FRMD4A: variants seen among roughly 807,000 people sequenced by gnomAD.
The protein encoded by FRMD4A is FERM domain-containing protein 4A.
In FRMD4A, 29 loss-of-function variants were observed where a neutral mutation model predicts 129.1. That is an observed-to-expected ratio of 0.22 (90% CI 0.17 to 0.31). FRMD4A has a LOEUF of 0.31. Among genes scored for constraint, FRMD4A ranks in the 10% least tolerant of loss-of-function variants. FRMD4A has a pLI of 1.00. For synonymous variants in FRMD4A, 634 were observed against 571.6 expected (o/e 1.11, Z -1.56); for missense variants, 1,272 against 1,375.8 (o/e 0.92, Z 1.19).
rs561485177 is a variant in FRMD4A at position 14,028,703 on chromosome 10, G to A, written c.46-169791C>T. Among the ~76,000 whole-genome samples, 310 of 152,202 alleles carry A rather than the reference G, an allele frequency of 2.0e-3. 2 individuals are homozygous for A. The highest frequency in any genetic ancestry group is 5.9e-3 in the Admixed American group (90 of 15,288). On this transcript the variant is annotated intron_variant, in intron 2 of 24. Transcript: ENST00000357447. Reference sequence around the variant, plus strand: ...TTATGACACATTGCACGCTTGTATCGATATCCATACTCCCACCCTGTGGGA... The same window carrying A: ...TTATGACACATTGCACGCTTGTATCAATATCCATACTCCCACCCTGTGGGA...
At chr10:14,180,078 C>A (rs1222770192) in intron 2 of FRMD4A, among the ~76,000 whole-genome samples, 1 of 151,952 alleles carries the variant, frequency 6.6e-6, no homozygotes, top group East Asian at 1.9e-4. Context: ...AACAAACAAA[C>A]AAAAAACAAA....
chr10:13,763,933 G>A (rs1266079114), intron 6 of FRMD4A, among the ~76,000 whole-genome samples: 1 of 151,990 alleles, frequency 6.6e-6, no homozygotes, highest in African/African-American at 2.4e-5. Flanking sequence ...CGGGGTACCA[G>A]GTTGGCCAGG....
chr10:14,090,621 C>T (rs764719043), intron 2 of FRMD4A, among the ~76,000 whole-genome samples: 1 of 152,152 alleles, frequency 6.6e-6, no homozygotes, highest in Non-Finnish European at 1.5e-5. Flanking sequence ...TGGGGGTTCT[C>T]AGTTAACGTT....
At chr10:14,081,443 A>G (rs1214547666) in intron 2 of FRMD4A, among the ~76,000 whole-genome samples, 2 of 152,192 alleles carry the variant, frequency 1.3e-5, no homozygotes, top group African/African-American at 4.8e-5. Context: ...GATTCTGTGA[A>G]GGAGAACTCC....
chr10:14,279,274 C>T (rs1019553231), intron 2 of FRMD4A, among the ~76,000 whole-genome samples: 22 of 150,852 alleles, frequency 1.5e-4, no homozygotes, highest in African/African-American at 4.2e-4. Context: ...CTGCAACCTC[C>T]GCCTCCCAGG....
intron 2 of FRMD4A, among the ~76,000 whole-genome samples, chr10:14,013,674 G>C (rs938505710): frequency 6.6e-6 from 1 of 152,152 alleles, no homozygotes. Context: ...ACTCATGCCT[G>C]TAATCCCAGC....
At chr10:13,799,303 G>A (rs1388370957) in intron 4 of FRMD4A, among the ~76,000 whole-genome samples, 4 of 152,122 alleles carry the variant, frequency 2.6e-5, no homozygotes, top group South Asian at 2.1e-4. Context: ...GACTACAGGC[G>A]CAGGCCGCCA....
chr10:14,102,619 G>A (rs893651093), intron 2 of FRMD4A, among the ~76,000 whole-genome samples: 1 of 152,132 alleles, frequency 6.6e-6, no homozygotes, highest in African/African-American at 2.4e-5. Flanking sequence ...TGGAAATGAA[G>A]GGACTTTTAG....
At chr10:14,002,990 T>G (rs1315396091) in intron 2 of FRMD4A, among the ~76,000 whole-genome samples, 2 of 152,064 alleles carry the variant, frequency 1.3e-5, no homozygotes, top group African/African-American at 4.8e-5. Context: ...TGGAGGGCTG[T>G]GATTAGGAAA....
intron 2 of FRMD4A, among the ~76,000 whole-genome samples, chr10:14,127,251 G>T (rs957662123): frequency 6.6e-6 from 1 of 152,192 alleles, no homozygotes; most frequent in African/African-American, 2.4e-5. Flanking sequence ...GCCTGGAGAG[G>T]TTGGAAAACA....
At chr10:13,685,502 T>C (rs776022997) in intron 15 of FRMD4A, 23 of 985,320 alleles carry the variant, frequency 2.3e-5, no homozygotes, top group Non-Finnish European at 2.7e-5. Flanking sequence ...ACCTATCTTC[T>C]GGGTCCAAGC....
chr10:14,088,065 T>G (rs1363798463), intron 2 of FRMD4A, among the ~76,000 whole-genome samples: 1 of 152,170 alleles, frequency 6.6e-6, no homozygotes, highest in Non-Finnish European at 1.5e-5. Context: ...TACTTAGGAA[T>G]GTAGGATGCT....
chr10:14,014,517 G>T (rs544469068), intron 2 of FRMD4A, among the ~76,000 whole-genome samples: 125 of 152,254 alleles, frequency 8.2e-4, no homozygotes, highest in African/African-American at 2.8e-3. Context: ...TCCCCACCCA[G>T]CTATAGCCTA....
chr10:14,314,337 G>A (rs977561049), intron 2 of FRMD4A, among the ~76,000 whole-genome samples: 2 of 152,174 alleles, frequency 1.3e-5, no homozygotes, highest in East Asian at 1.9e-4. Context: ...GTCAGGCCAC[G>A]TACAGGACCC....
At chr10:13,879,385 G>A (rs1241282359) in intron 2 of FRMD4A, among the ~76,000 whole-genome samples, 2 of 152,000 alleles carry the variant, frequency 1.3e-5, no homozygotes, top group African/African-American at 2.4e-5. Context: ...TGGAGACATG[G>A]GCCTGTAGTC....
At position 13,884,287 on chromosome 10, in the gene FRMD4A, C is replaced by T. The variant is rs946454450; in HGVS notation, c.46-25375G>A. On this transcript the variant is annotated intron_variant, in intron 2 of 24. Transcript: ENST00000357447. ...TATTCAGGATCTAGGCTTATTTCTG[C>T]CATTAACTTGTTGCATTAATGACTT... 2.3e-4 allele frequency among the ~76,000 whole-genome samples: 35 copies of T among 151,646 alleles called. 1 individual carries two copies. Among genetic ancestry groups the T allele is most frequent in the Admixed American group, 1.8e-3 (28 of 15,208 alleles).
intron 2 of FRMD4A, among the ~76,000 whole-genome samples, chr10:14,014,977 T>C (rs2095693692): frequency 2.9e-5 from 1 of 34,910 alleles, no homozygotes; most frequent in Non-Finnish European, 6.4e-5. Context: ...CCTCCCTCCC[T>C]TCCTTTCATC....
chr10:14,243,635 G>T (rs1844128975), intron 2 of FRMD4A, among the ~76,000 whole-genome samples: 1 of 152,096 alleles, frequency 6.6e-6, no homozygotes, highest in Non-Finnish European at 1.5e-5. Context: ...TAAAATGGTG[G>T]TTGCTAGGGA....
intron 2 of FRMD4A, among the ~76,000 whole-genome samples, chr10:14,299,856 C>T (rs367850173): frequency 9.9e-5 from 15 of 152,182 alleles, no homozygotes; most frequent in South Asian, 6.2e-4. Flanking sequence ...AAGCTGAGAC[C>T]GAAGGAGCAG....
Sources: gnomAD v4.1 joint callset for allele counts (sites outside exome capture counted in the v4.1 genomes callset) on GRCh38, gnomAD v4.1.1 for gene constraint, MANE v1.5 for transcripts, NCBI Gene and HGNC (gene_info 2026-07-23, HGNC 2026-07-21) for gene names.